SBF2: variants seen among roughly 807,000 people sequenced by gnomAD.
The protein encoded by SBF2 is SET binding factor 2, also known as myotubularin-related protein 13.
In SBF2, 112 loss-of-function variants were observed where a neutral mutation model predicts 225.2. That is an observed-to-expected ratio of 0.50 (90% confidence interval 0.43 to 0.58). The LOEUF is 0.58. Among genes scored for constraint, SBF2 ranks in the 20% least tolerant of loss-of-function variants. The pLI is 0.00. For synonymous variants in SBF2, 763 were observed against 773.3 expected (o/e 0.99, Z 0.22); for missense variants, 1,996 against 2,206.2 (o/e 0.90, Z 1.91).
chr11:10,303,387 T>A lies in SBF2; in HGVS notation n.386+1105A>T, dbSNP rs2133656226. 6.6e-6 allele frequency: 1 copy of A among 152,424 alleles called. No individual in the cohort carries two copies. The highest frequency in any genetic ancestry group is 2.1e-4 in the South Asian group (1 of 4,822). The allele number at this position is 152,424 out of a possible 1,614,324, so 9.4% of individuals were successfully genotyped here. On this transcript the variant is annotated intron_variant and non_coding_transcript_variant, in intron 1 of 5. Transcript: ENST00000685217. This position sits in a 1 kb window ranked among gnomAD's most constrained non-coding sequence, Gnocchi z 5.2. ...ACTCCTTCCAGGAAGAGTCCTTAAA[T>A]AACTTCCGCGCGGCCATTTCTTCCC... is the stretch of plus-strand genomic sequence containing the variant.
intron 2 of SBF2, among the ~76,000 whole-genome samples, chr11:10,109,300 G>C (rs940323027): frequency 6.6e-6 from 1 of 152,056 alleles, no homozygotes; most frequent in South Asian, 2.1e-4. Flanking sequence ...CCTTGAGAAA[G>C]ATCAAACATC....
At chr11:9,897,198 A>G (rs906776958) in intron 16 of SBF2, among the ~76,000 whole-genome samples, 1 of 152,176 alleles carries the variant, frequency 6.6e-6, no homozygotes, top group African/African-American at 2.4e-5. Flanking sequence ...TCAGCCTTAA[A>G]AAGAAATTCT....
chr11:9,886,735 A>C (rs1164716032), intron 17 of SBF2, among the ~76,000 whole-genome samples: 1 of 129,648 alleles, frequency 7.7e-6, no homozygotes, highest in Non-Finnish European at 1.6e-5. Context: ...GTCATCTCAT[A>C]CTTCACCCAC....
chr11:9,987,273 C>T (rs1947240579), intron 13 of SBF2, among the ~76,000 whole-genome samples: 1 of 152,030 alleles, frequency 6.6e-6, no homozygotes, highest in Non-Finnish European at 1.5e-5. Flanking sequence ...AGGGACATAC[C>T]TTAATGTAAT....
intron 13 of SBF2, 88 bp from the exon 14 acceptor site, chr11:9,968,633 G>C: frequency 9.6e-7 from 1 of 1,038,210 alleles, no homozygotes; most frequent in South Asian, 1.3e-5. Flanking sequence ...ACAGGGACAC[G>C]AGCTGGGTAG....
chr11:10,225,231 A>T (rs1958493617), intron 1 of SBF2, among the ~76,000 whole-genome samples: 1 of 152,062 alleles, frequency 6.6e-6, no homozygotes, highest in South Asian at 2.1e-4. Flanking sequence ...TTCCAAATGA[A>T]CTCATATCTT....
chr11:10,229,450 T>C (rs550331567), intron 1 of SBF2, among the ~76,000 whole-genome samples: 1 of 152,358 alleles, frequency 6.6e-6, no homozygotes, highest in South Asian at 2.1e-4. Flanking sequence ...TATGGGCATT[T>C]AGTGCTATAA....
At chr11:10,023,007 G>A (rs1303275800) in intron 6 of SBF2, among the ~76,000 whole-genome samples, 1 of 152,024 alleles carries the variant, frequency 6.6e-6, no homozygotes, top group East Asian at 1.9e-4. Context: ...TCTTTCTGTG[G>A]TAACAGCTGT....
At chr11:9,890,435 T>C (rs1056610435) in intron 17 of SBF2, among the ~76,000 whole-genome samples, 2 of 152,318 alleles carry the variant, frequency 1.3e-5, no homozygotes, top group African/African-American at 4.8e-5. Flanking sequence ...ATGGAGAATT[T>C]TGAAGAAAAA....
chr11:9,899,756 C>A (rs1861570342), intron 16 of SBF2, among the ~76,000 whole-genome samples: 1 of 152,036 alleles, frequency 6.6e-6, no homozygotes, highest in South Asian at 2.1e-4. Context: ...CATGGTTAGA[C>A]CCTGAAAACA....
intron 16 of SBF2, among the ~76,000 whole-genome samples, chr11:9,955,486 T>G (rs1008986777): frequency 1.3e-5 from 2 of 152,072 alleles, no homozygotes; most frequent in African/African-American, 4.8e-5. Flanking sequence ...GCACCATATT[T>G]AATCGCTAGC....
intron 2 of SBF2, among the ~76,000 whole-genome samples, chr11:10,103,373 T>C (rs867618124): frequency 3.9e-4 from 59 of 152,330 alleles, no homozygotes; most frequent in African/African-American, 1.3e-3. Context: ...CTATCAAATA[T>C]GAAATGGTGT....
intron 1 of SBF2, among the ~76,000 whole-genome samples, chr11:10,288,629 T>G (rs73420925): frequency 1.3e-5 from 2 of 152,012 alleles, no homozygotes; most frequent in African/African-American, 2.4e-5. Context: ...GCAGGCAGAT[T>G]GTCCCATCAT....
At chr11:9,950,764 A>G (rs897091459) in intron 16 of SBF2, among the ~76,000 whole-genome samples, 5 of 152,226 alleles carry the variant, frequency 3.3e-5, no homozygotes, top group Admixed American at 6.5e-5. Flanking sequence ...ATTATAGCCA[A>G]GAAAGGGGCA....
At chr11:10,133,063 T>C (rs906555210) in intron 2 of SBF2, among the ~76,000 whole-genome samples, 2 of 145,890 alleles carry the variant, frequency 1.4e-5, no homozygotes, top group Non-Finnish European at 3.0e-5. Context: ...TTTACAATCC[T>C]TGAGCTAGAC....
intron 2 of SBF2, among the ~76,000 whole-genome samples, chr11:10,081,267 G>A (rs542048872): frequency 1.3e-5 from 2 of 152,238 alleles, no homozygotes; most frequent in East Asian, 3.9e-4. Context: ...TCAATTCCAA[G>A]AGGAACTTTC....
At chr11:10,250,734 G>C (rs908385988) in intron 1 of SBF2, among the ~76,000 whole-genome samples, 1 of 152,168 alleles carries the variant, frequency 6.6e-6, no homozygotes, top group Non-Finnish European at 1.5e-5. Flanking sequence ...TCACAATATA[G>C]AACTTGAAGA....
At chr11:9,852,105 T>C (rs1373970090) in intron 21 of SBF2, among the ~76,000 whole-genome samples, 1 of 152,208 alleles carries the variant, frequency 6.6e-6, no homozygotes, top group African/African-American at 2.4e-5. Flanking sequence ...TATAAAGTTC[T>C]GTTATATAGG....
chr11:9,813,036 C>A (rs1854279845), intron 29 of SBF2, among the ~76,000 whole-genome samples: 1 of 152,040 alleles, frequency 6.6e-6, no homozygotes, highest in Admixed American at 6.6e-5. Flanking sequence ...AAATATAAGT[C>A]AATTATAAGG....
Sources: allele counts gnomAD v4.1 joint callset (sites outside exome capture counted in the v4.1 genomes callset), GRCh38; gene constraint gnomAD v4.1.1; non-coding constraint Gnocchi (gnomAD v3.1); transcripts MANE v1.5; gene names NCBI Gene and HGNC (gene_info 2026-07-23, HGNC 2026-07-21).